SPATS2L: variants seen among roughly 807,000 people sequenced by gnomAD.
The protein encoded by SPATS2L is spermatogenesis associated serine rich 2 like.
SPATS2L carries 30 observed loss-of-function variants against 59.6 expected under a neutral mutation model. The ratio of observed to expected loss-of-function variants is 0.50; its 90% confidence interval spans 0.38 to 0.68. SPATS2L has a LOEUF of 0.68. Ranked by LOEUF, SPATS2L falls within the 30% of genes least tolerant of loss-of-function variation. The pLI is 0.00. For missense variants in SPATS2L, 615 were observed against 700.0 expected (o/e 0.88, Z 1.37); for synonymous variants, 252 against 263.5 (o/e 0.96, Z 0.42).
chr2:200,332,022 T>TATTG (rs1194490232), intron 2 of SPATS2L, among the ~76,000 whole-genome samples: 8 of 152,218 alleles, frequency 5.3e-5, no homozygotes, highest in Admixed American at 3.3e-4. Context: ...GCTTGATCAG[T>TATTG]ATTGAACTTG....
At chr2:200,361,661 C>T (rs2081111016) in intron 2 of SPATS2L, among the ~76,000 whole-genome samples, 1 of 152,178 alleles carries the variant, frequency 6.6e-6, no homozygotes, top group South Asian at 2.1e-4. Context: ...GCTAGATTTA[C>T]AACTGAATAA....
intron 12 of SPATS2L, 133 bp downstream of exon 12, chr2:200,473,185 C>G: frequency 1.2e-6 from 1 of 837,484 alleles, no homozygotes; most frequent in South Asian, 1.8e-5. Context: ...CCCTCACCCA[C>G]TCCCCACCCA....
intron 12 of SPATS2L, among the ~76,000 whole-genome samples, chr2:200,473,269 G>A (rs917508012): frequency 1.3e-5 from 2 of 152,094 alleles, no homozygotes; most frequent in Non-Finnish European, 2.9e-5. Context: ...GCTTTCCCAT[G>A]TGGAGGAAGT....
intron 2 of SPATS2L, among the ~76,000 whole-genome samples, chr2:200,349,872 A>T (rs1437425315): frequency 6.6e-6 from 1 of 152,126 alleles, no homozygotes; most frequent in Non-Finnish European, 1.5e-5. Context: ...CAACATCTAA[A>T]TGTCTTCCCA....
chr2:200,348,885 G>GAAA (rs796498029), intron 2 of SPATS2L, among the ~76,000 whole-genome samples: 1 of 130,844 alleles, frequency 7.6e-6, no homozygotes, highest in Non-Finnish European at 1.7e-5. Context: ...GTTTCATTAA[G>GAAA]AAAAAAAAAA....
chr2:200,421,425 A>G (rs2083302042), intron 6 of SPATS2L, among the ~76,000 whole-genome samples: 1 of 152,198 alleles, frequency 6.6e-6, no homozygotes, highest in African/African-American at 2.4e-5. Context: ...GCCTAAGAAA[A>G]GTTTAGACTA....
chr2:200,445,483 C>T (rs2084973054), intron 8 of SPATS2L, among the ~76,000 whole-genome samples: 1 of 152,116 alleles, frequency 6.6e-6, no homozygotes, highest in Non-Finnish European at 1.5e-5. Flanking sequence ...ACAGGTGGCC[C>T]CACATACAAA....
At chr2:200,394,833 A>G (rs1407401269) in intron 3 of SPATS2L, among the ~76,000 whole-genome samples, 1 of 152,242 alleles carries the variant, frequency 6.6e-6, no homozygotes, top group African/African-American at 2.4e-5. Context: ...GTATGTTTAC[A>G]TAATCATCAA....
chr2:200,322,434 A>T (rs1234217034), intron 1 of SPATS2L, among the ~76,000 whole-genome samples: 1 of 152,230 alleles, frequency 6.6e-6, no homozygotes, highest in African/African-American at 2.4e-5. Flanking sequence ...ATGTAAAAAA[A>T]TACCTCTTTA....
intron 6 of SPATS2L, among the ~76,000 whole-genome samples, chr2:200,437,130 A>G (rs1007008992): frequency 2.6e-5 from 4 of 152,156 alleles, no homozygotes; most frequent in Non-Finnish European, 5.9e-5. Context: ...AGCGTACAGA[A>G]CCATGAACCA....
chr2:200,481,995 TAA>T lies in SPATS2L; in HGVS notation c.*3965_*3966del, dbSNP rs1284566399. On this transcript the variant is annotated 3_prime_UTR_variant, in exon 13 of 13. Transcript: ENST00000409140. ...GCGCCCGGCCCCAGTCACTTGTTCT[TAA>T]GTTTCTTAAGCAAACTATAAAATAG... 6.6e-6 allele frequency: 1 copy of T among 151,064 alleles called. No homozygotes were observed. The highest frequency in any genetic ancestry group is 2.4e-5 in the African/African-American group (1 of 41,096). The allele number at this position is 151,064 out of a possible 1,614,324, so 9.4% of individuals were successfully genotyped here.
At chr2:200,352,173 G>T (rs1363110115) in intron 2 of SPATS2L, among the ~76,000 whole-genome samples, 4 of 151,786 alleles carry the variant, frequency 2.6e-5, no homozygotes, top group African/African-American at 9.7e-5. Context: ...TGTATTCTGA[G>T]TTTCTTTTCT....
At chr2:200,447,745 C>T (rs529075402) in intron 8 of SPATS2L, among the ~76,000 whole-genome samples, 1 of 152,256 alleles carries the variant, frequency 6.6e-6, no homozygotes, top group East Asian at 1.9e-4. Flanking sequence ...TTCTCTGTGC[C>T]ATTCAACAAG....
upstream of SPATS2L, chr2:200,306,280 T>A: frequency 1.0e-6 from 1 of 1,002,380 alleles, no homozygotes; most frequent in Non-Finnish European, 1.2e-6. Context: ...GGGAGCAAAG[T>A]TCATTTTCTC....
At chr2:200,397,557 C>G (rs566969016) in intron 3 of SPATS2L, among the ~76,000 whole-genome samples, 5 of 151,928 alleles carry the variant, frequency 3.3e-5, no homozygotes, top group Non-Finnish European at 7.4e-5. Context: ...ACCACATTTT[C>G]TCTGTAAATC....
intron 6 of SPATS2L, among the ~76,000 whole-genome samples, chr2:200,431,265 A>G (rs2083915812): frequency 6.6e-6 from 1 of 152,066 alleles, no homozygotes; most frequent in African/African-American, 2.4e-5. Context: ...TTCCATTTGT[A>G]TTTTTTCTTT....
chr2:200,400,101 G>A (rs1005617571), intron 3 of SPATS2L, among the ~76,000 whole-genome samples: 11 of 152,152 alleles, frequency 7.2e-5, no homozygotes, highest in African/African-American at 2.2e-4. Flanking sequence ...AAGTGTCTTA[G>A]TATTCTACTC....
chr2:200,406,549 C>T (rs1021110487), intron 3 of SPATS2L, among the ~76,000 whole-genome samples: 1 of 152,142 alleles, frequency 6.6e-6, no homozygotes, highest in African/African-American at 2.4e-5. Context: ...ACTCCAGCTT[C>T]TCTCCCTTTG....
At chr2:200,316,384 T>A (rs906402771) in intron 1 of SPATS2L, among the ~76,000 whole-genome samples, 1 of 152,210 alleles carries the variant, frequency 6.6e-6, no homozygotes, top group African/African-American at 2.4e-5. Context: ...GTTCTTGTGC[T>A]AAAAACAGAA....
Sources: allele counts gnomAD v4.1 joint callset (sites outside exome capture counted in the v4.1 genomes callset), GRCh38; gene constraint gnomAD v4.1.1; transcripts MANE v1.5; gene names NCBI Gene and HGNC (gene_info 2026-07-23, HGNC 2026-07-21).